Variants in BMERB1 observed in about 807,000 individuals in gnomAD.
BMERB1 encodes the protein bMERB domain containing 1, also known as bMERB domain-containing protein 1.
BMERB1 carries 12 observed loss-of-function variants against 23.6 expected under a neutral mutation model. The observed-to-expected ratio is 0.51, with a 90% CI of 0.33 to 0.82. The LOEUF (loss-of-function observed/expected upper bound fraction) is 0.82. Ranked by LOEUF, BMERB1 falls within the 40% of genes least tolerant of loss-of-function variation. The pLI is 0.03. For synonymous variants in BMERB1, 122 were observed against 96.6 expected (o/e 1.26, Z -1.54); for missense variants, 247 against 255.4 (o/e 0.97, Z 0.22).
intron 4 of BMERB1, among the ~76,000 whole-genome samples, chr16:15,582,807 C>T (rs2031049470): frequency 6.6e-6 from 1 of 152,198 alleles, no homozygotes; most frequent in Non-Finnish European, 1.5e-5. Context: ...AGACCTGCCT[C>T]ATACTTTGTG....
chr16:15,578,250 G>A (rs1033003120), intron 3 of BMERB1, among the ~76,000 whole-genome samples: 16 of 139,554 alleles, frequency 1.1e-4, no homozygotes, highest in African/African-American at 3.2e-4. Flanking sequence ...TTTTCTAAAA[G>A]ACAGGGTCTG....
At chr16:15,553,468 C>G (rs2030154963) in intron 2 of BMERB1, among the ~76,000 whole-genome samples, 1 of 152,196 alleles carries the variant, frequency 6.6e-6, no homozygotes, top group Non-Finnish European at 1.5e-5. Flanking sequence ...TGTAAAGGGC[C>G]AAGTACTAAA....
chr16:15,584,980 A>T (rs1275897817), intron 5 of BMERB1, among the ~76,000 whole-genome samples: 1 of 152,214 alleles, frequency 6.6e-6, no homozygotes, highest in Admixed American at 6.5e-5. Flanking sequence ...AGCCACAGGG[A>T]CATGAGCTGT....
chr16:15,447,367 C>T (rs367969124), intron 1 of BMERB1, among the ~76,000 whole-genome samples: 1 of 152,256 alleles, frequency 6.6e-6, no homozygotes, highest in African/African-American at 2.4e-5. Flanking sequence ...AACCAGATCT[C>T]GTGAGAACTC....
intron 1 of BMERB1, among the ~76,000 whole-genome samples, chr16:15,466,478 T>C (rs887166783): frequency 7.9e-5 from 12 of 152,154 alleles, no homozygotes; most frequent in Non-Finnish European, 1.2e-4. Flanking sequence ...CCGATTGTTT[T>C]GTATGTTTGT....
At position 15,545,807 on chromosome 16, in the gene BMERB1, C is replaced by T. The variant is rs1175319801; in HGVS notation, c.231-22176C>T. Reference sequence around the variant, plus strand: ...TGAACTTCTCTAATAATGACTGACACAGTGAATGCTTTCCCTAAAACTAGG... The same window carrying T: ...TGAACTTCTCTAATAATGACTGACATAGTGAATGCTTTCCCTAAAACTAGG... On this transcript the variant is annotated intron_variant, in intron 2 of 5. Coordinates refer to ENST00000300006, the MANE Select transcript of BMERB1 (RefSeq NM_033201.3). Among the ~76,000 whole-genome samples the T allele has an allele frequency of 2.6e-5, 4 of 152,122 alleles. No individual in the cohort carries two copies. The East Asian group carries it at 7.7e-4, about 29-fold the overall frequency.
At chr16:15,460,219 A>C (rs2051122885) in intron 1 of BMERB1, among the ~76,000 whole-genome samples, 1 of 152,182 alleles carries the variant, frequency 6.6e-6, no homozygotes, top group Non-Finnish European at 1.5e-5. Flanking sequence ...GGTGAGATTC[A>C]AATTAGAGAA....
At chr16:15,532,834 C>T (rs950256352) in intron 2 of BMERB1, among the ~76,000 whole-genome samples, 6 of 152,072 alleles carry the variant, frequency 3.9e-5, no homozygotes, top group East Asian at 3.9e-4. Context: ...CGTGAGCCAC[C>T]GCGCCTGGCC....
intron 1 of BMERB1, among the ~76,000 whole-genome samples, chr16:15,446,281 A>G (rs2050988511): frequency 6.6e-6 from 1 of 152,130 alleles, no homozygotes; most frequent in African/African-American, 2.4e-5. Context: ...CTGTAGTCCT[A>G]GCTACCCGGG....
In BMERB1 at chr16:15,527,033, T is replaced by G. The variant is rs142942149; in HGVS notation, c.230+11605T>G. ...TAAAAATAAAACATTTTATGCACACTTATATGTAGTTTGCACACACACTTC... is the reference window on the plus strand; with the variant it reads ...TAAAAATAAAACATTTTATGCACACGTATATGTAGTTTGCACACACACTTC... On this transcript the variant is annotated intron_variant, in intron 2 of 5. Coordinates refer to ENST00000300006, the MANE Select transcript of BMERB1 (RefSeq NM_033201.3). Among the ~76,000 whole-genome samples, 519 of 150,996 alleles carry G rather than the reference T, an allele frequency of 3.4e-3. 7 individuals are homozygous for G. The highest frequency in any genetic ancestry group is 0.012 in the African/African-American group (494 of 41,292).
At chr16:15,523,727 C>T (rs1006021368) in intron 2 of BMERB1, among the ~76,000 whole-genome samples, 4 of 152,292 alleles carry the variant, frequency 2.6e-5, no homozygotes, top group Middle Eastern at 3.4e-3. Context: ...TGAAAACAGA[C>T]ACAGGTATGA....
At chr16:15,526,401 C>G (rs1457392565) in intron 2 of BMERB1, among the ~76,000 whole-genome samples, 1 of 152,154 alleles carries the variant, frequency 6.6e-6, no homozygotes. Flanking sequence ...CGTGGTGGCT[C>G]ACGCCTCTAA....
intron 3 of BMERB1, among the ~76,000 whole-genome samples, chr16:15,576,037 ATTTT>A (rs58602187): frequency 7.6e-6 from 1 of 131,964 alleles, no homozygotes. Context: ...AGCATTAGTA[ATTTT>A]TTTTTTTTTT....
chr16:15,569,374 T>C (rs1422393711), intron 3 of BMERB1, among the ~76,000 whole-genome samples: 2 of 152,100 alleles, frequency 1.3e-5, no homozygotes, highest in Non-Finnish European at 2.9e-5. Context: ...GGAGCAGACA[T>C]GTCACGTGCC....
chr16:15,520,213 G>A (rs963722042), intron 2 of BMERB1, among the ~76,000 whole-genome samples: 1 of 152,150 alleles, frequency 6.6e-6, no homozygotes, highest in African/African-American at 2.4e-5. Context: ...TGAACCCAAG[G>A]TGTCTGTCTC....
At chr16:15,560,351 C>CG (rs1209284089) in intron 2 of BMERB1, among the ~76,000 whole-genome samples, 5 of 152,230 alleles carry the variant, frequency 3.3e-5, no homozygotes, top group African/African-American at 1.2e-4. Context: ...TGAAATACAC[C>CG]AGAACCCTCG....
At chr16:15,579,529 TCAA>T (rs1435799082) in intron 3 of BMERB1, among the ~76,000 whole-genome samples, 1 of 152,196 alleles carries the variant, frequency 6.6e-6, no homozygotes, top group Non-Finnish European at 1.5e-5. Context: ...GAAAAAATGA[TCAA>T]CGTCAGTCGT....
chr16:15,437,285 G>C (rs971809874), intron 1 of BMERB1, among the ~76,000 whole-genome samples: 3 of 152,156 alleles, frequency 2.0e-5, no homozygotes, highest in African/African-American at 7.2e-5. Context: ...TCCTCACTCT[G>C]TGCCTTGCTG....
At chr16:15,567,926 T>C in intron 2 of BMERB1, 57 bp from the exon 3 acceptor site, 1 of 1,501,612 alleles carries the variant, frequency 6.7e-7, no homozygotes, top group Non-Finnish European at 9.2e-7. Flanking sequence ...CGGGTGATGC[T>C]CAGGGCGTAA....
Sources: gnomAD v4.1 joint callset for allele counts (sites outside exome capture counted in the v4.1 genomes callset) on GRCh38, gnomAD v4.1.1 for gene constraint, MANE v1.5 for transcripts, NCBI Gene and HGNC (gene_info 2026-07-23, HGNC 2026-07-21) for gene names.